HSD17B12: variants seen among roughly 807,000 people sequenced by gnomAD.
The protein encoded by HSD17B12 is hydroxysteroid 17-beta dehydrogenase 12, also known as very-long-chain 3-oxoacyl-CoA reductase.
Under a neutral mutation model 39.3 loss-of-function variants are expected in HSD17B12, and 32 were observed. The ratio of observed to expected loss-of-function variants is 0.81; its 90% CI spans 0.61 to 1.09. The LOEUF (loss-of-function observed/expected upper bound fraction) is 1.09, where lower values mean the gene tolerates loss of function less well. Among genes scored for constraint, HSD17B12 ranks in the 50% least tolerant of loss-of-function variants. The pLI is 0.00. For missense variants in HSD17B12, 342 were observed against 382.9 expected (o/e 0.89, Z 0.89); for synonymous variants, 150 against 146.7 (o/e 1.02, Z -0.16).
chr11:43,600,707 A>G, the HSD17B12 span, among the ~76,000 whole-genome samples: 2 of 152,032 alleles, frequency 1.3e-5, no homozygotes, highest in African/African-American at 2.4e-5. Context: ...TAACCTCTTT[A>G]TGCCTCAATT....
upstream of HSD17B12, among the ~76,000 whole-genome samples, chr11:43,676,908 T>C (rs1949698814): frequency 6.6e-6 from 1 of 152,190 alleles, no homozygotes; most frequent in African/African-American, 2.4e-5. Flanking sequence ...GGGTGCCTTG[T>C]TGGTGAGCAA....
chr11:43,758,590 A>C lies in HSD17B12; in HGVS notation c.283+4469A>C, dbSNP rs1950531477. 2.6e-5 allele frequency among the ~76,000 whole-genome samples: 4 copies of C among 152,144 alleles called. No homozygotes were observed. The South Asian group carries it at 8.3e-4, about 32-fold the overall frequency. ...TGAACTCCATGGCTATAAAACATAA[A>C]ACTTTTTACTGGGGCTACCACGGAA... On this transcript the variant is annotated intron_variant, in intron 3 of 10. Coordinates refer to ENST00000278353, the MANE Select transcript of HSD17B12 (RefSeq NM_016142.3).
chr11:43,723,635 A>C (rs1950195031), intron 1 of HSD17B12, among the ~76,000 whole-genome samples: 2 of 152,248 alleles, frequency 1.3e-5, no homozygotes, highest in Non-Finnish European at 2.9e-5. Flanking sequence ...TATAGAGAAC[A>C]TAACTGATTT....
chr11:43,574,797 G>A, the HSD17B12 span, among the ~76,000 whole-genome samples: 14 of 152,104 alleles, frequency 9.2e-5, no homozygotes, highest in Non-Finnish European at 1.5e-5. Flanking sequence ...AGGGAGAAAG[G>A]GTAAACGTCA....
the HSD17B12 span, among the ~76,000 whole-genome samples, chr11:43,666,178 T>C: frequency 6.6e-6 from 1 of 152,274 alleles, no homozygotes; most frequent in African/African-American, 2.4e-5. Context: ...ATTTTCTCAA[T>C]ATCTGGGTGC....
the HSD17B12 span, among the ~76,000 whole-genome samples, chr11:43,667,861 T>C: frequency 2.0e-5 from 3 of 152,202 alleles, no homozygotes; most frequent in Non-Finnish European, 4.4e-5. Flanking sequence ...CAACCTGTAT[T>C]TATTAAATGT....
chr11:43,700,756 T>C (rs367898381), intron 1 of HSD17B12, among the ~76,000 whole-genome samples: 162 of 152,300 alleles, frequency 1.1e-3, no homozygotes, highest in African/African-American at 3.8e-3. Flanking sequence ...TTAGGTTGCT[T>C]CCAAATCTTA....
intron 1 of HSD17B12, among the ~76,000 whole-genome samples, chr11:43,709,063 A>T (rs1950041073): frequency 6.6e-6 from 1 of 152,246 alleles, no homozygotes; most frequent in Non-Finnish European, 1.5e-5. Context: ...GGTAAAGTTC[A>T]AGCTGCGTAG....
the HSD17B12 span, among the ~76,000 whole-genome samples, chr11:43,635,326 C>T: frequency 6.6e-6 from 1 of 151,998 alleles, no homozygotes; most frequent in Non-Finnish European, 1.5e-5. Context: ...TACAATTTGT[C>T]CAGACTGACA....
At chr11:43,717,315 T>C (rs1034208362) in intron 1 of HSD17B12, among the ~76,000 whole-genome samples, 3 of 152,200 alleles carry the variant, frequency 2.0e-5, no homozygotes, top group African/African-American at 7.2e-5. Context: ...TATAAAGGAA[T>C]GAATCCTAGG....
chr11:43,684,206 C>T (rs1308722694), intron 1 of HSD17B12, among the ~76,000 whole-genome samples: 10 of 152,178 alleles, frequency 6.6e-5, no homozygotes, highest in Non-Finnish European at 1.2e-4. Context: ...TGGGTTTAGC[C>T]AATTTAGTAA....
chr11:43,729,909 A>G (rs954137259), intron 1 of HSD17B12, among the ~76,000 whole-genome samples: 1 of 152,186 alleles, frequency 6.6e-6, no homozygotes, highest in Non-Finnish European at 1.5e-5. Context: ...AAAAATAATC[A>G]AAACATTTTT....
chr11:43,761,114 A>C (rs1367064212), intron 3 of HSD17B12, among the ~76,000 whole-genome samples: 1 of 152,210 alleles, frequency 6.6e-6, no homozygotes, highest in Non-Finnish European at 1.5e-5. Context: ...TCTTTGAAGC[A>C]TTGTTTCCAC....
At chr11:43,718,833 G>A (rs540610144) in intron 1 of HSD17B12, 29 of 871,524 alleles carry the variant, frequency 3.3e-5, no homozygotes, top group African/African-American at 8.2e-5. Flanking sequence ...AAGACACCAC[G>A]ACTCCGGAAG....
At position 43,850,893 on chromosome 11, in the gene HSD17B12, C is replaced by G. The variant is rs971420968; in HGVS notation, c.685-3822C>G. 3.3e-5 allele frequency among the ~76,000 whole-genome samples: 5 copies of G among 152,164 alleles called. No homozygotes were observed. The South Asian group carries it at 1.0e-3, about 32-fold the overall frequency. ...CCTGGCCAACATGGAGAAACTCCATCTCTACTAAAAATACAAAATTAGCCG... is the reference window on the plus strand; with the variant it reads ...CCTGGCCAACATGGAGAAACTCCATGTCTACTAAAAATACAAAATTAGCCG... On this transcript the variant is annotated intron_variant, in intron 9 of 10. Transcript: ENST00000278353.
intron 1 of HSD17B12, among the ~76,000 whole-genome samples, chr11:43,691,622 C>T (rs190587940): frequency 7.9e-5 from 12 of 152,330 alleles, no homozygotes; most frequent in Non-Finnish European, 1.6e-4. Context: ...ACCAGTGAAG[C>T]CTCCAATCAA....
upstream of HSD17B12, among the ~76,000 whole-genome samples, chr11:43,677,005 G>A (rs888586489): frequency 5.3e-5 from 8 of 152,218 alleles, no homozygotes; most frequent in Middle Eastern, 3.4e-3. Context: ...GACGAAGAGT[G>A]GTGGGCCTTT....
At chr11:43,626,992 G>A in the HSD17B12 span, among the ~76,000 whole-genome samples, 1 of 152,038 alleles carries the variant, frequency 6.6e-6, no homozygotes, top group Admixed American at 6.6e-5. Flanking sequence ...TTGAGGTGCT[G>A]AAGGGTTACA....
chr11:43,765,641 T>C (rs1294615827), intron 3 of HSD17B12, among the ~76,000 whole-genome samples: 2 of 152,198 alleles, frequency 1.3e-5, no homozygotes, highest in African/African-American at 4.8e-5. Context: ...CCACTGATGC[T>C]GTCTTTAGTT....
Sources: gnomAD v4.1 joint callset for allele counts (sites outside exome capture counted in the v4.1 genomes callset) on GRCh38, gnomAD v4.1.1 for gene constraint, MANE v1.5 for transcripts, NCBI Gene and HGNC (gene_info 2026-07-23, HGNC 2026-07-21) for gene names.